LRP2BP: variants seen among roughly 807,000 people sequenced by gnomAD.
LRP2BP encodes LRP2 binding protein.
Under a neutral mutation model 45.2 loss-of-function variants are expected in LRP2BP, and 38 were observed. The observed-to-expected ratio is 0.84, with a 90% CI of 0.65 to 1.10. LRP2BP has a LOEUF of 1.10. LRP2BP is among the 50% of genes least tolerant of loss of function. The pLI, the probability that LRP2BP is intolerant of heterozygous loss-of-function variation, is 0.00. For missense variants in LRP2BP, 385 were observed against 418.9 expected, an observed-to-expected ratio of 0.92 and a Z score of 0.71; for synonymous variants, 153 against 153.9, an observed-to-expected ratio of 0.99 and a Z score of 0.04.
At position 185,370,774 on chromosome 4, in the gene LRP2BP, C is replaced by T. The variant is rs765686066; in HGVS notation, c.844G>A (p.Ala282Thr). ...YDEVHDIPMI[A>T]QVTDCLPEFI... The stretch of plus-strand genomic sequence containing the variant: ...TCCGGGAGACAGTCTGTGACCTGGG[C>T]GATCATGGGGATGTCGTGAACCTCA... The change falls in exon 8 of 9, where the codon GCC (alanine) becomes ACC (threonine). Residue 282 changes from alanine (A) to threonine (T), a missense_variant. Physicochemically the swap from Ala to Thr is moderately conservative, Grantham distance 58. Coordinates refer to ENST00000505916, the MANE Select transcript of LRP2BP (RefSeq NM_001377440.1). 7 of 1,614,044 alleles carry T rather than the reference C, an allele frequency of 4.3e-6. No individual in the cohort carries two copies. Among genetic ancestry groups the T allele is most frequent in the East Asian group, 2.2e-5 (1 of 44,864 alleles).
In LRP2BP at chr4:185,370,667, T is replaced by C; in HGVS notation, c.951A>G (p.Glu317=). ...TAGAATAATAGTGTTTAGCGGTTGTTTCATCCCTGGTGATGCCCAAGCCAA... is the reference window on the plus strand; with the variant it reads ...TAGAATAATAGTGTTTAGCGGTTGTCTCATCCCTGGTGATGCCCAAGCCAA... The part of the protein sequence containing the change: ...LQLGLGITRD[E]TTAKHYYSKA... Residue 317 remains glutamate, a synonymous_variant, in exon 8 of 9, where the codon GAA becomes GAG. Coordinates refer to ENST00000505916, the MANE Select transcript of LRP2BP (RefSeq NM_001377440.1). The C allele has an allele frequency of 6.2e-7, 1 of 1,614,094 alleles. No individual in the cohort carries two copies. The highest frequency in any genetic ancestry group is 1.1e-5 in the South Asian group (1 of 91,082).
chr4:185,368,919 G>C (rs916669712), intron 8 of LRP2BP, among the ~76,000 whole-genome samples: 1 of 150,118 alleles, frequency 6.7e-6, no homozygotes, highest in Non-Finnish European at 1.5e-5. Flanking sequence ...TCAGCCTCCC[G>C]AGTAGCTGGG....
At chr4:185,391,584 C>G (rs2095488543) in intron 1 of LRP2BP, among the ~76,000 whole-genome samples, 1 of 152,062 alleles carries the variant, frequency 6.6e-6, no homozygotes, top group South Asian at 2.1e-4. Flanking sequence ...TCCAACAGTA[C>G]CTGAGTTAGT....
At chr4:185,394,534 T>A (rs2095496762) in intron 1 of LRP2BP, among the ~76,000 whole-genome samples, 1 of 152,210 alleles carries the variant, frequency 6.6e-6, no homozygotes, top group African/African-American at 2.4e-5. Flanking sequence ...TAATGTCAAT[T>A]TGTAATATAA....
rs187182732 is a variant in LRP2BP at position 185,375,144 on chromosome 4, T to C, written c.330+469A>G. Among the ~76,000 whole-genome samples, 1,265 of 151,796 alleles carry C rather than the reference T, an allele frequency of 8.3e-3. 11 individuals are homozygous for C. The highest frequency in any genetic ancestry group is 0.017 in the South Asian group (82 of 4,784). On this transcript the variant is annotated intron_variant, in intron 4 of 8. Transcript: ENST00000505916. ...TTTTTGTTTGTTTGAGACAGAGTCT[T>C]GCTCTGTCACCCAGGCTGGAGTGCA...
rs559221942 is a variant in LRP2BP, at chr4:185,373,337, T to G, written c.580-258A>C. On this transcript the variant is annotated intron_variant, in intron 6 of 8. Transcript: ENST00000505916. ...TATGGCAGAGGAAGACCAGCTGTCC[T>G]AGGTTTCAGGATTTGGGGATCTTCA... 2.0e-5 allele frequency among the ~76,000 whole-genome samples: 3 copies of G among 152,272 alleles called. No homozygotes were observed. The East Asian group carries it at 5.8e-4, about 29-fold the overall frequency.
At chr4:185,393,186 C>T (rs2126854237) in intron 1 of LRP2BP, among the ~76,000 whole-genome samples, 1 of 152,358 alleles carries the variant, frequency 6.6e-6, no homozygotes, top group South Asian at 2.1e-4. Context: ...CTGCCTCAGC[C>T]TCCCAAAGTG....
At chr4:185,388,347 T>C (rs556653186) in intron 1 of LRP2BP, among the ~76,000 whole-genome samples, 113 of 147,238 alleles carry the variant, frequency 7.7e-4, no homozygotes, top group African/African-American at 2.5e-3. Flanking sequence ...ATTAAACCTT[T>C]GATATAGCCA....
At chr4:185,385,104 T>A (rs1286731155) in intron 1 of LRP2BP, among the ~76,000 whole-genome samples, 1 of 152,090 alleles carries the variant, frequency 6.6e-6, no homozygotes, top group Non-Finnish European at 1.5e-5. Context: ...AGCTTTTGAT[T>A]TTATTTTTCT....
At chr4:185,375,487 A>AAAAATATGTAT (rs1554018308) in intron 4 of LRP2BP, 126 bp downstream of exon 4, 1 of 12,010 alleles carries the variant, frequency 8.3e-5, no homozygotes, top group Non-Finnish European at 1.5e-4. Context: ...AAAAAAAAAA[A>AAAAATATGTAT]ATATATATAT....
At chr4:185,383,540 G>A (rs2095461696) in intron 1 of LRP2BP, among the ~76,000 whole-genome samples, 1 of 152,188 alleles carries the variant, frequency 6.6e-6, no homozygotes, top group African/African-American at 2.4e-5. Context: ...TGTGGGTTGT[G>A]TGCCTGTGCA....
intron 1 of LRP2BP, among the ~76,000 whole-genome samples, chr4:185,383,017 C>A (rs1197111202): frequency 1.3e-5 from 2 of 152,208 alleles, no homozygotes; most frequent in African/African-American, 2.4e-5. Context: ...CAAATCAGTT[C>A]TTTTGCATGT....
At chr4:185,396,887 A>C (rs1050902374), upstream of LRP2BP, 5 of 1,611,688 alleles carry the variant, frequency 3.1e-6, no homozygotes, top group Non-Finnish European at 4.2e-6. Context: ...ACCTCTCTGC[A>C]CTTCCAAGGA....
chr4:185,383,298 CCT>C (rs757485118), intron 1 of LRP2BP, among the ~76,000 whole-genome samples: 7 of 152,028 alleles, frequency 4.6e-5, no homozygotes, highest in Non-Finnish European at 1.0e-4. Context: ...GTAGTGAGGC[CCT>C]GTCCTTCCAA....
intron 6 of LRP2BP, among the ~76,000 whole-genome samples, chr4:185,373,676 C>T (rs2095423769): frequency 6.6e-6 from 1 of 152,220 alleles, no homozygotes; most frequent in African/African-American, 2.4e-5. Flanking sequence ...ACAAGTAGGA[C>T]TCAGCCCCCA....
intron 1 of LRP2BP, among the ~76,000 whole-genome samples, chr4:185,390,220 TTTAA>T (rs1363082548): frequency 6.6e-6 from 1 of 152,088 alleles, no homozygotes; most frequent in Non-Finnish European, 1.5e-5. Flanking sequence ...TTACATAATA[TTTAA>T]TTGAGGCCGG....
At chr4:185,368,992 C>A (rs2095404017) in intron 8 of LRP2BP, among the ~76,000 whole-genome samples, 1 of 151,742 alleles carries the variant, frequency 6.6e-6, no homozygotes, top group Non-Finnish European at 1.5e-5. Flanking sequence ...TGGGATTTTG[C>A]CATATTGGAC....
intron 1 of LRP2BP, among the ~76,000 whole-genome samples, chr4:185,383,362 C>A (rs995879335): frequency 6.6e-6 from 1 of 152,098 alleles, no homozygotes; most frequent in Admixed American, 6.5e-5. Context: ...CACCTATAGT[C>A]CTAGCTACTC....
At chr4:185,384,760 C>T (rs1282616383) in intron 1 of LRP2BP, among the ~76,000 whole-genome samples, 1 of 150,750 alleles carries the variant, frequency 6.6e-6, no homozygotes, top group Non-Finnish European at 1.5e-5. Context: ...CCATAGTGTT[C>T]ATATAGTAAT....
Sources: allele counts gnomAD v4.1 joint callset (sites outside exome capture counted in the v4.1 genomes callset), GRCh38; gene constraint gnomAD v4.1.1; transcripts MANE v1.5; gene names NCBI Gene and HGNC (gene_info 2026-07-23, HGNC 2026-07-21).